The following PAQR5 variants were observed in gnomAD, a reference collection of about 807,000 sequenced individuals.
PAQR5 encodes the protein membrane progestin receptor gamma.
Under a neutral mutation model 34.5 loss-of-function variants are expected in PAQR5, and 20 were observed. That is an observed-to-expected ratio of 0.58 (90% confidence interval 0.41 to 0.84). The LOEUF (loss-of-function observed/expected upper bound fraction) is 0.84, where lower values mean the gene tolerates loss of function less well. PAQR5 is among the 40% of genes least tolerant of loss of function. The pLI is 0.00. For missense variants in PAQR5, 378 were observed against 412.7 expected, an observed-to-expected ratio of 0.92 and a Z score of 0.73; for synonymous variants, 131 against 155.6, an observed-to-expected ratio of 0.84 and a Z score of 1.18.
chr15:69,381,626 C>T (rs1423045843), intron 4 of PAQR5, among the ~76,000 whole-genome samples: 1 of 152,168 alleles, frequency 6.6e-6, no homozygotes. Flanking sequence ...ACTGCCTATG[C>T]ACTTCTACAC....
intron 3 of PAQR5, among the ~76,000 whole-genome samples, chr15:69,376,175 G>A (rs1051156268): frequency 6.6e-6 from 1 of 152,160 alleles, no homozygotes; most frequent in East Asian, 1.9e-4. Flanking sequence ...GGGGTGCAAG[G>A]TGGAGTCCTA....
chr15:69,381,432 T>C (rs187946003), intron 4 of PAQR5, among the ~76,000 whole-genome samples: 10 of 152,338 alleles, frequency 6.6e-5, no homozygotes, highest in African/African-American at 2.4e-4. Flanking sequence ...CTGCTTGGTG[T>C]TCCATTTTCT....
chr15:69,370,708 G>A (rs2134924), intron 3 of PAQR5, among the ~76,000 whole-genome samples: 144,087 of 152,046 alleles, frequency 0.95, 68,769 homozygotes, highest in South Asian at 1. Context: ...TTTAGTAGAG[G>A]CAGAGTTTCA....
intron 1 of PAQR5, among the ~76,000 whole-genome samples, chr15:69,325,339 A>T (rs74579781): frequency 5.9e-5 from 9 of 152,260 alleles, no homozygotes; most frequent in African/African-American, 2.2e-4. Flanking sequence ...TCAGGCAGCC[A>T]CAGCACCCTG....
chr15:69,403,718 G>A lies in PAQR5; in HGVS notation c.889G>A (p.Gly297Arg). The change falls in exon 9 of 9, where the codon GGA (glycine) becomes AGA (arginine). Residue 297 changes from glycine to arginine, a missense_variant. Physicochemically the swap from Gly to Arg is moderately radical, Grantham distance 125. Transcript: ENST00000395407. Reference sequence around the variant, plus strand: ...GCCCTTCTCTTTCTCTCAGATAGCTGGAGCCATACTTCTGTGCATCATCTT... The same window carrying A: ...GCCCTTCTCTTTCTCTCAGATAGCTAGAGCCATACTTCTGTGCATCATCTT... ...SKPFSFSQIA[G>R]AILLCIIFSL... 1 of 1,614,128 alleles carries A rather than the reference G, an allele frequency of 6.2e-7. No homozygotes were observed.
chr15:69,387,121 T>C (rs1298161116), intron 5 of PAQR5, among the ~76,000 whole-genome samples: 1 of 152,166 alleles, frequency 6.6e-6, no homozygotes, highest in Non-Finnish European at 1.5e-5. Context: ...ACCCAGCCCC[T>C]GGAGGCTTCC....
chr15:69,377,810 T>C (rs2055749820), intron 3 of PAQR5, among the ~76,000 whole-genome samples: 1 of 152,176 alleles, frequency 6.6e-6, no homozygotes, highest in African/African-American at 2.4e-5. Context: ...CTGTTCCATG[T>C]GACTGCTTGA....
chr15:69,347,325 C>T (rs1419072975), intron 2 of PAQR5, among the ~76,000 whole-genome samples: 1 of 152,286 alleles, frequency 6.6e-6, no homozygotes, highest in African/African-American at 2.4e-5. Context: ...CATTGTTTAG[C>T]ATCTAAGTTA....
chr15:69,373,275 GTAACCTAA>G (rs61560431), intron 3 of PAQR5, among the ~76,000 whole-genome samples: 142,651 of 151,840 alleles, frequency 0.94, 67,666 homozygotes, highest in East Asian at 1. Context: ...CCTTTGCTGT[GTAACCTAA>G]TAACCTAATA....
chr15:69,353,979 T>A (rs917563433), intron 2 of PAQR5, among the ~76,000 whole-genome samples: 2 of 152,050 alleles, frequency 1.3e-5, no homozygotes, highest in Non-Finnish European at 1.5e-5. Flanking sequence ...CAGGAGGAAA[T>A]TGCACTCCTA....
Position 69,385,286 on chromosome 15 carries a change from T to G in PAQR5, c.385+404T>G, listed in dbSNP as rs1026580651. Among the ~76,000 whole-genome samples the G allele has an allele frequency of 6.6e-6, 1 of 152,196 alleles. No individual in the cohort carries two copies. The highest frequency in any genetic ancestry group is 1.5e-5 in the Non-Finnish European group (1 of 68,042). On this transcript the variant is annotated intron_variant, in intron 5 of 8. Coordinates refer to ENST00000395407, the MANE Select transcript of PAQR5 (RefSeq NM_017705.4). The surrounding 1 kb of genome is among the most constrained non-coding windows in gnomAD (Gnocchi z 4.7). Reference sequence around the variant, plus strand: ...TACTCAGTACTTTTGTTAATATGATTTATTTAATTGCAAGTTTCTGTGATT... The same window carrying G: ...TACTCAGTACTTTTGTTAATATGATGTATTTAATTGCAAGTTTCTGTGATT...
At chr15:69,362,374 G>C (rs530356990) in intron 3 of PAQR5, among the ~76,000 whole-genome samples, 1 of 152,340 alleles carries the variant, frequency 6.6e-6, no homozygotes, top group East Asian at 1.9e-4. Flanking sequence ...AAGCCATAGA[G>C]AAAATATAGT....
intron 2 of PAQR5, among the ~76,000 whole-genome samples, chr15:69,346,264 T>C (rs552830882): frequency 8.0e-5 from 12 of 150,616 alleles, no homozygotes; most frequent in Non-Finnish European, 1.5e-4. Flanking sequence ...CCACACATGA[T>C]GACTTCCTGT....
intron 6 of PAQR5, among the ~76,000 whole-genome samples, chr15:69,393,265 C>A (rs2056321095): frequency 6.6e-6 from 1 of 150,412 alleles, no homozygotes; most frequent in Admixed American, 6.6e-5. Context: ...GGCCTGTCCT[C>A]CCCTCTCTTC....
chr15:69,399,956 T>G lies in PAQR5; in HGVS notation c.610-18T>G. The G allele has an allele frequency of 6.2e-7, 1 of 1,610,140 alleles. No individual in the cohort carries two copies. Among genetic ancestry groups the G allele is most frequent in the Non-Finnish European group, 8.5e-7 (1 of 1,178,022 alleles). Reference sequence around the variant, plus strand: ...GGCCTGTCCTCTCAAGACCTGATGTTTCTTTAAACACCTGCAGCTATTCCT... The same window carrying G: ...GGCCTGTCCTCTCAAGACCTGATGTGTCTTTAAACACCTGCAGCTATTCCT... On this transcript the variant is annotated intron_variant, in intron 7 of 8. Transcript: ENST00000395407.
chr15:69,333,605 A>G (rs1297453535), intron 1 of PAQR5, among the ~76,000 whole-genome samples: 1 of 152,152 alleles, frequency 6.6e-6, no homozygotes, highest in Non-Finnish European at 1.5e-5. Flanking sequence ...CCTTGAATGG[A>G]ATGCAGGGTA....
At chr15:69,332,577 A>C (rs2054406946) in intron 1 of PAQR5, among the ~76,000 whole-genome samples, 1 of 152,070 alleles carries the variant, frequency 6.6e-6, no homozygotes, top group Non-Finnish European at 1.5e-5. Flanking sequence ...TCAGTAGCTG[A>C]GGCTTTGCTT....
chr15:69,305,970 C>G (rs2134570), intron 1 of PAQR5, among the ~76,000 whole-genome samples: 13,885 of 152,238 alleles, frequency 0.091, 2,119 homozygotes, highest in African/African-American at 0.32. Flanking sequence ...CTAACCCAGA[C>G]CTATTGCTCT....
At chr15:69,339,969 C>A (rs181358508) in intron 2 of PAQR5, among the ~76,000 whole-genome samples, 1 of 152,162 alleles carries the variant, frequency 6.6e-6, no homozygotes, top group Non-Finnish European at 1.5e-5. Context: ...CGGGTTCAAG[C>A]GATTCTTCTA....
Sources: allele counts gnomAD v4.1 joint callset (sites outside exome capture counted in the v4.1 genomes callset), GRCh38; gene constraint gnomAD v4.1.1; non-coding constraint Gnocchi (gnomAD v3.1); transcripts MANE v1.5; gene names NCBI Gene and HGNC (gene_info 2026-07-23, HGNC 2026-07-21).